DOCK6: variants seen among roughly 807,000 people sequenced by gnomAD.
The protein encoded by DOCK6 is dedicator of cytokinesis protein 6.
DOCK6 carries 167 observed loss-of-function variants against 230.3 expected under a neutral mutation model. The observed-to-expected ratio is 0.73, with a 90% CI of 0.64 to 0.82. The LOEUF is 0.82. Ranked by LOEUF, DOCK6 falls within the 40% of genes least tolerant of loss-of-function variation. The pLI is 0.00. For synonymous variants in DOCK6, 1,148 were observed against 1,185.0 expected (o/e 0.97, Z 0.64); for missense variants, 2,598 against 2,825.8 (o/e 0.92, Z 1.83).
chr19:11,206,739 C>T (rs961247655), intron 39 of DOCK6, among the ~76,000 whole-genome samples: 5 of 151,842 alleles, frequency 3.3e-5, no homozygotes, highest in East Asian at 1.9e-4. Context: ...AACTTGGCCA[C>T]GCGGGATAAA....
At chr19:11,241,718 T>C (rs761293206) in intron 14 of DOCK6, 2 of 1,574,520 alleles carry the variant, frequency 1.3e-6, no homozygotes, top group South Asian at 2.3e-5. Flanking sequence ...GGACCAATCA[T>C]GCTGCAAGGA....
chr19:11,250,473 C>A lies in DOCK6; in HGVS notation c.720+401G>T, dbSNP rs1599284114. 3.3e-5 allele frequency among the ~76,000 whole-genome samples: 5 copies of A among 151,966 alleles called. No homozygotes were observed. The South Asian group carries it at 1.0e-3, about 32-fold the overall frequency. ...AGGATTACAAGCACCTGCCACCATG[C>A]CTGGCTAACTTTTGTATTTTTAGTA... On this transcript the variant is annotated intron_variant, in intron 6 of 47. Coordinates refer to ENST00000294618, the MANE Select transcript of DOCK6 (RefSeq NM_020812.4).
Position 11,258,274 on chromosome 19 carries a change from T to C in DOCK6, c.44+4123A>G, listed in dbSNP as rs546398023. ...CCTCATGATTCAGTTTATATGACAA[T>C]CTAAAACAGGCCAGATCAGGTAGGG... On this transcript the variant is annotated intron_variant, in intron 1 of 47. Transcript: ENST00000294618. Among the ~76,000 whole-genome samples, 11 of 152,142 alleles carry C rather than the reference T, an allele frequency of 7.2e-5. No homozygotes were observed. The South Asian group carries it at 2.1e-3, about 29-fold the overall frequency.
chr19:11,242,074 G>A lies in DOCK6; in HGVS notation c.1614C>T (p.Arg538=), dbSNP rs750652023. 2.3e-5 allele frequency: 35 copies of A among 1,550,952 alleles called. No individual in the cohort carries two copies. The highest frequency in any genetic ancestry group is 1.6e-4 in the South Asian group (13 of 79,788). The change falls in exon 14 of 48, where the codon CGC becomes CGT. Residue 538 remains arginine, a synonymous_variant. Transcript: ENST00000294618. ...AGCTGGTATGGGGGGCATAGACTTCGCGGGCGGGGAACTCCAGAATCTCCT... is the reference window on the plus strand; with the variant it reads ...AGCTGGTATGGGGGGCATAGACTTCACGGGCGGGGAACTCCAGAATCTCCT... ...PTKEILEFPA[R]EVYAPHTSYR...
In DOCK6 at chr19:11,236,449, T is replaced by A; in HGVS notation, c.2289A>T (p.Ala763=). Residue 763 remains alanine, a synonymous_variant, in exon 20 of 48, where the codon GCA becomes GCT. Coordinates refer to ENST00000294618, the MANE Select transcript of DOCK6 (RefSeq NM_020812.4). This position sits in a 1 kb window ranked among gnomAD's most constrained non-coding sequence, Gnocchi z 5.2. The stretch of plus-strand genomic sequence containing the variant: ...GGGGTTCGGGGCTGGCCAGGCGCAG[T>A]GCTGCAAGACTGGCCCGCAGCTCCT... ...VEQELRASLA[A]LRLASPEPLV... 1.3e-6 allele frequency: 2 copies of A among 1,592,560 alleles called. No individual in the cohort carries two copies. Among genetic ancestry groups the A allele is most frequent in the Non-Finnish European group, 1.7e-6 (2 of 1,170,362 alleles).
intron 9 of DOCK6, among the ~76,000 whole-genome samples, chr19:11,244,188 T>C (rs1043511247): frequency 6.6e-6 from 1 of 150,902 alleles, no homozygotes; most frequent in African/African-American, 2.5e-5. Flanking sequence ...GTATGTATTA[T>C]ATAGAGACAG....
Position 11,222,857 on chromosome 19 carries a change from G to T in DOCK6, c.3118C>A (p.Leu1040Met). The T allele has an allele frequency of 6.2e-7, 1 of 1,604,622 alleles. No homozygotes were observed. The highest frequency in any genetic ancestry group is 8.5e-7 in the Non-Finnish European group (1 of 1,175,868). ...AGGATGCGGGTGAATTCCATGCGCA[G>T]GGTCAGCAGGGCTGCTGGATTAGGG... ...SSPNPAALLT[L>M]RMEFTRILCS... The change falls in exon 26 of 48, where the codon CTG becomes ATG. Residue 1040 changes from leucine to methionine, a missense_variant. Transcript: ENST00000294618. This position sits in a 1 kb window ranked among gnomAD's most constrained non-coding sequence, Gnocchi z 4.0.
chr19:11,206,982 C>T (rs897091149), intron 39 of DOCK6, among the ~76,000 whole-genome samples: 4 of 151,916 alleles, frequency 2.6e-5, no homozygotes, highest in Admixed American at 2.6e-4. Context: ...TTACAGACAC[C>T]TGCCACCATG....
At chr19:11,252,394 G>A (rs1203744701) in intron 4 of DOCK6, 88 bp downstream of exon 4, 7 of 1,587,736 alleles carry the variant, frequency 4.4e-6, no homozygotes, top group Non-Finnish European at 6.0e-6. Flanking sequence ...CAGGGACAAT[G>A]GGCAGATACA....
Position 11,243,336 on chromosome 19 carries a change from C to T in DOCK6, c.1308G>A (p.Arg436=), listed in dbSNP as rs867695625. 6.3e-7 allele frequency: 1 copy of T among 1,599,378 alleles called. No homozygotes were observed. The highest frequency in any genetic ancestry group is 1.7e-4 in the Middle Eastern group (1 of 6,044). Residue 436 remains arginine, a synonymous_variant, in exon 12 of 48, where the codon CGG becomes CGA. Transcript: ENST00000294618. This position sits in a 1 kb window ranked among gnomAD's most constrained non-coding sequence, Gnocchi z 6.3. ...TDRRRRGPQD[R]ASSGDDACSF... ...TGCAGGCGTCGTCCCCACTACTCGC[C>T]CGGTCCTGGGGCCCCCGACGGCGGC...
At chr19:11,254,778 G>A (rs2147884416) in intron 1 of DOCK6, among the ~76,000 whole-genome samples, 2 of 152,262 alleles carry the variant, frequency 1.3e-5, no homozygotes, top group Middle Eastern at 6.8e-3. Flanking sequence ...GTGGGGACAG[G>A]GATGGCTCAG....
rs749159885 is a variant in DOCK6 at position 11,237,703 on chromosome 19, A to C, written c.1909T>G (p.Phe637Val). 1.5e-5 allele frequency: 24 copies of C among 1,591,382 alleles called. No homozygotes were observed. The highest frequency in any genetic ancestry group is 2.0e-5 in the Non-Finnish European group (23 of 1,169,608). ...VTENHHLLFTFYHVSCQPRPG... is the reference protein window; with the variant it reads ...VTENHHLLFTVYHVSCQPRPG... ...CGGGGCTGGCAGCTGACATGGTAGA[A>C]GGTGAACAGCAGGTGATGGTTCTCT... Residue 637 changes from phenylalanine to valine, a missense_variant, in exon 17 of 48, where the codon TTC becomes GTC. Physicochemically the swap from Phe to Val is conservative, Grantham distance 50. Transcript: ENST00000294618.
At position 11,223,039 on chromosome 19, in the gene DOCK6, A is replaced by C; in HGVS notation, c.3023T>G (p.Val1008Gly). The C allele has an allele frequency of 1.2e-6, 2 of 1,613,794 alleles. No homozygotes were observed. Among genetic ancestry groups the C allele is most frequent in the Non-Finnish European group, 1.7e-6 (2 of 1,179,876 alleles). ...CAGGCTGAAGACAAAGCCCCGGTCC[A>C]CCAGGGACAGAAGGTCACTGAGGAA... is the stretch of plus-strand genomic sequence containing the variant. Reference protein sequence around the residue: ...AFFLSDLLSLVDRGFVFSLVR... With the variant: ...AFFLSDLLSLGDRGFVFSLVR... The change falls in exon 25 of 48, where the codon GTG becomes GGG. Residue 1008 changes from valine to glycine, a missense_variant. Val to Gly is a moderately radical substitution (Grantham distance 109). Coordinates refer to ENST00000294618, the MANE Select transcript of DOCK6 (RefSeq NM_020812.4).
intron 41 of DOCK6, chr19:11,203,826 C>G: frequency 1.7e-6 from 1 of 586,882 alleles, no homozygotes. Flanking sequence ...CAAGCTGGCC[C>G]TGGCAGAGGG....
chr19:11,209,054 GC>G lies in DOCK6; in HGVS notation c.4800del (p.Leu1600PhefsTer56), dbSNP rs752244070. On this transcript the variant is annotated frameshift_variant, in exon 38 of 48. Transcript: ENST00000294618. LOFTEE classifies it high-confidence loss of function. ...TCCGCGTGCTTCCCGGCCATGTTCT[GC>G]AACCAGGTCAGCCGAAGGTCCGGTG... The part of the protein sequence containing the change: ...QGSPDLRLTW[L>X]QNMAGKHAEL... The G allele has an allele frequency of 5.6e-6, 9 of 1,612,408 alleles. No individual in the cohort carries two copies. The highest frequency in any genetic ancestry group is 7.6e-6 in the Non-Finnish European group (9 of 1,179,482).
chr19:11,250,911 G>A lies in DOCK6; in HGVS notation c.683C>T (p.Pro228Leu), dbSNP rs2080107115. The change falls in exon 6 of 48, where the codon CCC becomes CTC. Residue 228 changes from proline (P) to leucine (L), a missense_variant. Physicochemically the swap from Pro to Leu is moderately conservative, Grantham distance 98. Coordinates refer to ENST00000294618, the MANE Select transcript of DOCK6 (RefSeq NM_020812.4). ...RNETLRRQHR[P>L]PALLTLYPAP... ...CGGGTAGAGGGTGAGCAGGGCCGGG[G>A]GCCGGTGCTGCCGTCGAAGGGTTTC... 1 of 1,605,952 alleles carries A rather than the reference G, an allele frequency of 6.2e-7. No individual in the cohort carries two copies. Among genetic ancestry groups the A allele is most frequent in the Non-Finnish European group, 8.5e-7 (1 of 1,173,638 alleles).
At chr19:11,247,635 C>T (rs574539034) in intron 7 of DOCK6, 24 of 158,750 alleles carry the variant, frequency 1.5e-4, no homozygotes, top group East Asian at 7.2e-4. Context: ...GGGCCCTGGG[C>T]GGCTGAGAGC....
At chr19:11,218,982 G>C (rs1366205178) in intron 28 of DOCK6, among the ~76,000 whole-genome samples, 4 of 144,862 alleles carry the variant, frequency 2.8e-5, no homozygotes, top group Non-Finnish European at 6.0e-5. Context: ...AGGTTCTAGT[G>C]ATTCTCCTGC....
rs919352100 is a variant in DOCK6 at position 11,222,081 on chromosome 19, C to T, written c.3380+28G>A. 9 of 1,609,302 alleles carry T rather than the reference C, an allele frequency of 5.6e-6. No individual in the cohort carries two copies. The highest frequency in any genetic ancestry group is 1.1e-5 in the South Asian group (1 of 90,774). ...ATGGCTCCTGGACTGTCCCACCTGTCCTGGGGCTAGACAGGAGCTCTGCTC... is the reference window on the plus strand; with the variant it reads ...ATGGCTCCTGGACTGTCCCACCTGTTCTGGGGCTAGACAGGAGCTCTGCTC... On this transcript the variant is annotated intron_variant, in intron 27 of 47. Coordinates refer to ENST00000294618, the MANE Select transcript of DOCK6 (RefSeq NM_020812.4). This position sits in a 1 kb window ranked among gnomAD's most constrained non-coding sequence, Gnocchi z 4.0.
Sources: allele counts gnomAD v4.1 joint callset (sites outside exome capture counted in the v4.1 genomes callset), GRCh38; gene constraint gnomAD v4.1.1; non-coding constraint Gnocchi (gnomAD v3.1); transcripts MANE v1.5; gene names NCBI Gene and HGNC (gene_info 2026-07-23, HGNC 2026-07-21).